The following PPFIA2 variants were observed in gnomAD, a reference collection of about 807,000 sequenced individuals.
The protein encoded by PPFIA2 is PPFI scaffold protein A2, also known as liprin-alpha-2.
A neutral mutation model predicts 175.5 loss-of-function variants in PPFIA2; 46 were observed. The observed-to-expected ratio is 0.26, with a 90% CI of 0.21 to 0.34. The LOEUF is 0.34. Among genes scored for constraint, PPFIA2 ranks in the 10% least tolerant of loss-of-function variants. The pLI is 1.00. For missense variants in PPFIA2, 1,179 were observed against 1,506.1 expected (o/e 0.78, Z 3.60); for synonymous variants, 568 against 511.4 (o/e 1.11, Z -1.49).
intron 5 of PPFIA2, among the ~76,000 whole-genome samples, chr12:81,450,533 A>T (rs1220288384): frequency 6.6e-6 from 1 of 151,928 alleles, no homozygotes; most frequent in African/African-American, 2.4e-5. Context: ...TAGATTCTGG[A>T]TATTAGCCCT....
intron 4 of PPFIA2, among the ~76,000 whole-genome samples, chr12:81,607,990 GT>G (rs1370392605): frequency 1.3e-5 from 2 of 151,936 alleles, no homozygotes; most frequent in South Asian, 2.1e-4. Context: ...TCTGTTGGGG[GT>G]TTTTATCATG....
At chr12:81,619,935 G>A (rs1476382006) in intron 4 of PPFIA2, among the ~76,000 whole-genome samples, 4 of 151,984 alleles carry the variant, frequency 2.6e-5, no homozygotes, top group Admixed American at 6.6e-5. Flanking sequence ...CGAGGCGGGC[G>A]GATCACGAGG....
chr12:81,701,886 A>G (rs1390882971), intron 3 of PPFIA2, among the ~76,000 whole-genome samples: 1 of 151,028 alleles, frequency 6.6e-6, no homozygotes, highest in African/African-American at 2.4e-5. Flanking sequence ...TCAACCCATA[A>G]GAGTAAACTA....
chr12:81,512,415 C>A lies in PPFIA2; in HGVS notation c.304-54549G>T, dbSNP rs371257220. ...CTAAACTTTGTGATGCTGGACCCAGCCTAAAATGGAATTTTTCTTTAATCT... is the reference window on the plus strand; with the variant it reads ...CTAAACTTTGTGATGCTGGACCCAGACTAAAATGGAATTTTTCTTTAATCT... On this transcript the variant is annotated intron_variant, in intron 4 of 32. Coordinates refer to ENST00000549396, the MANE Select transcript of PPFIA2 (RefSeq NM_003625.5). The A allele has an allele frequency of 2.8e-5, 33 of 1,172,232 alleles. No homozygotes were observed. In the East Asian group the frequency reaches 1.9e-3, roughly 67 times the overall value. The allele number at this position is 1,172,232 out of a possible 1,614,324, so 72.6% of individuals were successfully genotyped here. A position where few individuals can be genotyped will look rare whatever the true frequency, so the allele number is the denominator to read the frequency against.
At chr12:81,302,003 G>A (rs2047966351) in intron 22 of PPFIA2, among the ~76,000 whole-genome samples, 1 of 152,122 alleles carries the variant, frequency 6.6e-6, no homozygotes, top group Admixed American at 6.6e-5. Flanking sequence ...GTTTTCATAT[G>A]CTCTGTTCAG....
intron 25 of PPFIA2, among the ~76,000 whole-genome samples, chr12:81,283,930 G>T (rs2042670450): frequency 6.6e-6 from 1 of 152,004 alleles, no homozygotes; most frequent in Admixed American, 6.6e-5. Flanking sequence ...CATGTTACCT[G>T]TGAATATGTC....
chr12:81,484,535 C>T (rs1392868847), intron 4 of PPFIA2, among the ~76,000 whole-genome samples: 1 of 151,870 alleles, frequency 6.6e-6, no homozygotes, highest in Admixed American at 6.6e-5. Context: ...TGAATTTATA[C>T]AATTAAAATT....
At chr12:81,622,627 T>C (rs965790532) in intron 4 of PPFIA2, among the ~76,000 whole-genome samples, 2 of 152,076 alleles carry the variant, frequency 1.3e-5, no homozygotes, top group Non-Finnish European at 2.9e-5. Flanking sequence ...CTTATGAACA[T>C]AGCTTTAAAA....
intron 4 of PPFIA2, among the ~76,000 whole-genome samples, chr12:81,664,672 C>G (rs545697451): frequency 2.0e-5 from 3 of 152,170 alleles, no homozygotes; most frequent in Admixed American, 6.5e-5. Flanking sequence ...TTTGACCCAG[C>G]CATCCCATTA....
At chr12:81,707,551 G>C (rs969507624) in intron 3 of PPFIA2, among the ~76,000 whole-genome samples, 3 of 149,848 alleles carry the variant, frequency 2.0e-5, no homozygotes, top group African/African-American at 7.3e-5. Context: ...TGGAGAAATA[G>C]GAACACTTTT....
Position 81,742,410 on chromosome 12 carries a change from G to A in PPFIA2, c.249+11563C>T, listed in dbSNP as rs893847242. On this transcript the variant is annotated intron_variant, in intron 3 of 32. Coordinates refer to ENST00000549396, the MANE Select transcript of PPFIA2 (RefSeq NM_003625.5). ...TGGAGTTGCAGAGGTACTTATAGTG[G>A]TTCAATTCTGCACATACTTTGCAGG... is the stretch of plus-strand genomic sequence containing the variant. Among the ~76,000 whole-genome samples, 22 of 152,274 alleles carry A rather than the reference G, an allele frequency of 1.4e-4. 1 individual carries two copies. The highest frequency in any genetic ancestry group is 1.3e-3 in the Admixed American group (20 of 15,298).
intron 8 of PPFIA2, among the ~76,000 whole-genome samples, chr12:81,390,213 C>A (rs1247326946): frequency 6.6e-6 from 1 of 152,010 alleles, no homozygotes; most frequent in East Asian, 1.9e-4. Context: ...GTTGTGTCCA[C>A]CTTTTGGCTA....
intron 3 of PPFIA2, among the ~76,000 whole-genome samples, chr12:81,699,043 A>G (rs1183316099): frequency 6.6e-6 from 1 of 152,138 alleles, no homozygotes; most frequent in Admixed American, 6.6e-5. Flanking sequence ...TTCACTATCA[A>G]GTAATATGCA....
intron 4 of PPFIA2, among the ~76,000 whole-genome samples, chr12:81,625,106 G>C (rs1050998304): frequency 6.6e-6 from 1 of 151,684 alleles, no homozygotes; most frequent in Non-Finnish European, 1.5e-5. Flanking sequence ...CAATATGTTT[G>C]TATGAATAGA....
At chr12:81,621,840 G>A (rs1010923351) in intron 4 of PPFIA2, among the ~76,000 whole-genome samples, 1 of 152,148 alleles carries the variant, frequency 6.6e-6, no homozygotes, top group African/African-American at 2.4e-5. Context: ...TATACATGGA[G>A]ATGTCAAGTG....
At chr12:81,338,441 T>G (rs2057472101) in intron 21 of PPFIA2, among the ~76,000 whole-genome samples, 1 of 152,066 alleles carries the variant, frequency 6.6e-6, no homozygotes, top group African/African-American at 2.4e-5. Flanking sequence ...AAATACATAT[T>G]TAAGTAGTAC....
intron 7 of PPFIA2, among the ~76,000 whole-genome samples, chr12:81,422,700 AC>A (rs1362991971): frequency 1.3e-5 from 2 of 151,926 alleles, no homozygotes; most frequent in East Asian, 3.9e-4. Flanking sequence ...GGAAAGACCT[AC>A]CCCCATGATA....
chr12:81,443,796 TA>T (rs1451457063), intron 6 of PPFIA2, among the ~76,000 whole-genome samples: 1 of 149,822 alleles, frequency 6.7e-6, no homozygotes, highest in Non-Finnish European at 1.5e-5. Flanking sequence ...TTTCTCTGCT[TA>T]AAAAACCCTT....
In PPFIA2 at chr12:81,716,196, A is replaced by G. The variant is rs557953034; in HGVS notation, c.249+37777T>C. Among the ~76,000 whole-genome samples the G allele has an allele frequency of 2.0e-5, 3 of 151,864 alleles. No homozygotes were observed. The South Asian group carries it at 6.2e-4, about 31-fold the overall frequency. On this transcript the variant is annotated intron_variant, in intron 3 of 32. Transcript: ENST00000549396. The stretch of plus-strand genomic sequence containing the variant: ...AAGTATTAAATTATAATCTAAATAC[A>G]TAAAGTTTGTTCTAGAATGTGAACC...
Sources: gnomAD v4.1 joint callset for allele counts (sites outside exome capture counted in the v4.1 genomes callset) on GRCh38, gnomAD v4.1.1 for gene constraint, MANE v1.5 for transcripts, NCBI Gene and HGNC (gene_info 2026-07-23, HGNC 2026-07-21) for gene names.